RP1: variants seen among roughly 807,000 people sequenced by gnomAD.
RP1 encodes RP1 axonemal microtubule associated.
A neutral mutation model predicts 14.8 loss-of-function variants in RP1; 16 were observed. The observed-to-expected ratio is 1.08, with a 90% CI of 0.73 to 1.65. The LOEUF (loss-of-function observed/expected upper bound fraction) is 1.65, where lower values mean the gene tolerates loss of function less well. Ranked by LOEUF, RP1 falls within the 40% of genes most tolerant of loss-of-function variation. The pLI, the probability that RP1 is intolerant of heterozygous loss-of-function variation, is 0.00. For synonymous variants in RP1, 876 were observed against 883.6 expected (o/e 0.99, Z 0.15); for missense variants, 2,631 against 2,535.0 (o/e 1.04, Z -0.81).
exon 24 of RP1, chr8:54,783,684 A>G: frequency 3.2e-6 from 4 of 1,231,538 alleles, no homozygotes; most frequent in Non-Finnish European, 4.1e-6. Context: ...CCAGCTGTTT[A>G]ACCCTAACAC....
At position 54,621,593 on chromosome 8, in the gene RP1, G is replaced by A. The variant is rs1455842176; in HGVS notation, c.615+12G>A. On this transcript the variant is annotated intron_variant, in intron 2 of 3. Transcript: ENST00000220676. ...CGGACGGAAGGAGGGTGAGCGTTCT[G>A]GGGGCTCCTCGAGCCTGAGCTCATT... 1 of 1,614,008 alleles carries A rather than the reference G, an allele frequency of 6.2e-7. No homozygotes were observed. Among genetic ancestry groups the A allele is most frequent in the African/African-American group, 1.3e-5 (1 of 75,056 alleles).
intron 23 of RP1, among the ~76,000 whole-genome samples, chr8:54,776,648 G>T (rs762568826): frequency 8.5e-5 from 13 of 152,200 alleles, no homozygotes; most frequent in Non-Finnish European, 1.0e-4. Context: ...AGAGGCAATA[G>T]GACGTGGAAG....
intron 14 of RP1, among the ~76,000 whole-genome samples, chr8:54,704,765 C>G (rs1808109412): frequency 1.3e-5 from 2 of 152,284 alleles, no homozygotes; most frequent in South Asian, 4.1e-4. Context: ...AATTTTAACT[C>G]ATACATCTCA....
intron 23 of RP1, among the ~76,000 whole-genome samples, chr8:54,778,820 G>C (rs1810109712): frequency 6.6e-6 from 1 of 152,142 alleles, no homozygotes; most frequent in African/African-American, 2.4e-5. Context: ...GGGGTCAGTG[G>C]CTACTTGGAG....
intron 24 of RP1, among the ~76,000 whole-genome samples, chr8:54,820,022 C>G (rs1811220206): frequency 6.6e-6 from 1 of 152,238 alleles, no homozygotes; most frequent in East Asian, 1.9e-4. Context: ...TAAATCCTGC[C>G]AGGACTGGTC....
chr8:54,652,752 T>G (rs760960744), intron 4 of RP1: 6 of 1,488,124 alleles, frequency 4.0e-6, no homozygotes, highest in Admixed American at 2.0e-5. Flanking sequence ...GAAATTACAT[T>G]GAAAGTTGTT....
intron 25 of RP1, among the ~76,000 whole-genome samples, chr8:54,840,178 C>G (rs1221886163): frequency 2.0e-5 from 3 of 151,982 alleles, no homozygotes; most frequent in Non-Finnish European, 2.9e-5. Context: ...ATCCATGGTA[C>G]TGATAAGAAA....
chr8:54,586,331 T>C (rs1472002675), intron 1 of RP1, among the ~76,000 whole-genome samples: 1 of 152,114 alleles, frequency 6.6e-6, no homozygotes, highest in African/African-American at 2.4e-5. Context: ...GAACAGCAAA[T>C]GTTACTGCCT....
At chr8:54,741,161 A>T (rs999241808) in intron 19 of RP1, among the ~76,000 whole-genome samples, 1 of 152,236 alleles carries the variant, frequency 6.6e-6, no homozygotes, top group Non-Finnish European at 1.5e-5. Flanking sequence ...TTAAAAAATT[A>T]AATGTTTAAT....
intron 1 of RP1, among the ~76,000 whole-genome samples, chr8:54,605,017 GT>G (rs1185188736): frequency 6.6e-6 from 1 of 151,836 alleles, no homozygotes; most frequent in Non-Finnish European, 1.5e-5. Context: ...TTTTTGAAGG[GT>G]TTTTTGTGTC....
chr8:54,810,596 A>G (rs1810967615), intron 24 of RP1, among the ~76,000 whole-genome samples: 1 of 152,212 alleles, frequency 6.6e-6, no homozygotes, highest in South Asian at 2.1e-4. Flanking sequence ...TTCCCAAGCA[A>G]GTTCCACCAA....
In RP1 at chr8:54,667,169, C is replaced by T. The variant is rs138651089; in HGVS notation, c.1323+3319C>T. On this transcript the variant is annotated intron_variant, in intron 7 of 22. Coordinates refer to the RP1 transcript ENST00000636932. ...CCCCATGCCTGGGAAGAGGAGCACA[C>T]GGGAGCCATCATTTTGAAGGAGAGG... Among the ~76,000 whole-genome samples the T allele has an allele frequency of 2.3e-3, 350 of 152,066 alleles. 2 individuals are homozygous for T. The highest frequency in any genetic ancestry group is 7.3e-3 in the African/African-American group (302 of 41,504).
At chr8:54,615,736 G>A (rs1420487661), upstream of RP1, among the ~76,000 whole-genome samples, 1 of 152,200 alleles carries the variant, frequency 6.6e-6, no homozygotes. Flanking sequence ...CCAGGAGCAA[G>A]TACTGACTTA....
At chr8:54,718,163 C>T (rs1808448734) in intron 15 of RP1, among the ~76,000 whole-genome samples, 1 of 152,084 alleles carries the variant, frequency 6.6e-6, no homozygotes, top group Non-Finnish European at 1.5e-5. Context: ...ATCATAGATT[C>T]AATACAATTC....
intron 24 of RP1, among the ~76,000 whole-genome samples, chr8:54,815,418 C>T (rs986143770): frequency 6.6e-6 from 1 of 152,194 alleles, no homozygotes; most frequent in Non-Finnish European, 1.5e-5. Flanking sequence ...ATATTTGCAT[C>T]AACTCAAGGA....
At chr8:54,660,927 GTTACTC>G (rs1467629060) in intron 6 of RP1, among the ~76,000 whole-genome samples, 1 of 151,906 alleles carries the variant, frequency 6.6e-6, no homozygotes, top group Non-Finnish European at 1.5e-5. Context: ...ATAGACCACT[GTTACTC>G]TGATCCCCCT....
chr8:54,633,710 C>CCTCTCTCTATCT (rs1554520292), downstream of RP1, among the ~76,000 whole-genome samples: 1 of 118,532 alleles, frequency 8.4e-6, no homozygotes, highest in Non-Finnish European at 1.7e-5. Flanking sequence ...TTATTTTGTG[C>CCTCTCTCTATCT]CTCTCTCTCT....
intron 1 of RP1, among the ~76,000 whole-genome samples, chr8:54,568,730 T>C (rs1207171093): frequency 6.6e-6 from 1 of 152,232 alleles, no homozygotes; most frequent in Non-Finnish European, 1.5e-5. Flanking sequence ...AAGGTGAAAA[T>C]GAAGTGCTCT....
chr8:54,664,555 T>A (rs1462475797), intron 7 of RP1, among the ~76,000 whole-genome samples: 1 of 152,166 alleles, frequency 6.6e-6, no homozygotes, highest in East Asian at 1.9e-4. Context: ...TGCCAAGACT[T>A]GTTAATTTTT....
Sources: allele counts gnomAD v4.1 joint callset (sites outside exome capture counted in the v4.1 genomes callset), GRCh38; gene constraint gnomAD v4.1.1; transcripts MANE v1.5; gene names NCBI Gene and HGNC (gene_info 2026-07-23, HGNC 2026-07-21).